Variants in CLIP2 observed in about 807,000 individuals in gnomAD.
CLIP2 encodes CAP-Gly domain-containing linker protein 2.
CLIP2 carries 41 observed loss-of-function variants against 111.7 expected under a neutral mutation model. That is an observed-to-expected ratio of 0.37 (90% CI 0.29 to 0.48). CLIP2 has a LOEUF of 0.48. Ranked by LOEUF, CLIP2 falls within the 20% of genes least tolerant of loss-of-function variation. The probability of loss-of-function intolerance (pLI) is 0.99; values close to 1 mark genes in which losing one functional copy is unlikely to be tolerated. For synonymous variants in CLIP2, 660 were observed against 644.2 expected (o/e 1.02, Z -0.37); for missense variants, 1,160 against 1,422.1 (o/e 0.82, Z 2.96).
chr7:74,347,482 C>A lies in CLIP2; in HGVS notation c.679-6398C>A, dbSNP rs1304146525. 9.9e-5 allele frequency among the ~76,000 whole-genome samples: 15 copies of A among 152,220 alleles called. No homozygotes were observed. The South Asian group carries it at 1.4e-3, about 15-fold the overall frequency. ...ATGGGGTTTCACTGTGTTGGCCAGG[C>A]TGGTCTCGATCTCCTGACCTCGTGA... On this transcript the variant is annotated intron_variant, in intron 3 of 16. Transcript: ENST00000223398.
At chr7:74,333,222 C>T (rs782500413) in intron 2 of CLIP2, among the ~76,000 whole-genome samples, 2 of 152,044 alleles carry the variant, frequency 1.3e-5, no homozygotes, top group Non-Finnish European at 2.9e-5. Flanking sequence ...CTTGCTCTGT[C>T]GCCCAGGCTG....
intron 3 of CLIP2, among the ~76,000 whole-genome samples, chr7:74,343,606 A>G (rs1789720688): frequency 2.0e-5 from 3 of 151,914 alleles, no homozygotes; most frequent in African/African-American, 7.3e-5. Context: ...AAGAGAGCTG[A>G]TGGCAGCCGG....
chr7:74,380,093 A>G (rs1554313665), intron 10 of CLIP2: 2 of 152,084 alleles, frequency 1.3e-5, no homozygotes, highest in African/African-American at 4.8e-5. Flanking sequence ...GCAGGATGAT[A>G]GAGGTGACTG....
At chr7:74,332,947 C>T (rs782811671) in intron 2 of CLIP2, among the ~76,000 whole-genome samples, 39 of 152,318 alleles carry the variant, frequency 2.6e-4, no homozygotes, top group East Asian at 9.7e-4. Context: ...AAGCCAGTCC[C>T]CACCTCCACA....
At chr7:74,324,946 C>T (rs1343255447) in intron 2 of CLIP2, among the ~76,000 whole-genome samples, 1 of 152,136 alleles carries the variant, frequency 6.6e-6, no homozygotes, top group Non-Finnish European at 1.5e-5. Flanking sequence ...ATCTGTTCTC[C>T]GAGGGGCTGG....
Position 74,401,552 on chromosome 7 carries a change from A to C in CLIP2, c.3114A>C (p.Lys1038Asn). The C allele has an allele frequency of 6.2e-7, 1 of 1,614,018 alleles. No homozygotes were observed. Among genetic ancestry groups the C allele is most frequent in the Non-Finnish European group, 8.5e-7 (1 of 1,179,982 alleles). Reference sequence around the variant, plus strand: ...CAAACGGCATCCACCAGCAGGACAAAGCTCAGAAACAAGAGGTGAGGGGCG... The same window carrying C: ...CAAACGGCATCCACCAGCAGGACAACGCTCAGAAACAAGAGGTGAGGGGCG... ...GSANGIHQQD[K>N]AQKQEDKH Residue 1038 changes from lysine (K) to asparagine (N), a missense_variant, in exon 16 of 17, where the codon AAA becomes AAC. Lys to Asn is a moderately conservative substitution (Grantham distance 94). Transcript: ENST00000223398.
intron 1 of CLIP2, among the ~76,000 whole-genome samples, chr7:74,302,685 G>A (rs956785885): frequency 6.6e-6 from 1 of 152,224 alleles, no homozygotes; most frequent in East Asian, 1.9e-4. Context: ...GGAGCCCAGA[G>A]CCCTGCACTG....
intron 11 of CLIP2, chr7:74,381,433 C>A: frequency 3.2e-6 from 1 of 314,240 alleles, no homozygotes; most frequent in Non-Finnish European, 6.3e-6. Context: ...GTGATCCGCC[C>A]GCCTTGGCCT....
intron 1 of CLIP2, among the ~76,000 whole-genome samples, chr7:74,314,978 CA>C (rs1225143372): frequency 6.6e-6 from 1 of 152,174 alleles, no homozygotes; most frequent in African/African-American, 2.4e-5. Flanking sequence ...TGTGCTTCAT[CA>C]TAAGGACACA....
chr7:74,383,125 A>C (rs1790993053), intron 11 of CLIP2, among the ~76,000 whole-genome samples: 1 of 151,958 alleles, frequency 6.6e-6, no homozygotes, highest in Non-Finnish European at 1.5e-5. Context: ...AGTTTAAAAA[A>C]TGTATCCAGT....
chr7:74,323,175 A>G (rs1789011134), intron 2 of CLIP2, among the ~76,000 whole-genome samples: 1 of 151,556 alleles, frequency 6.6e-6, no homozygotes, highest in African/African-American at 2.4e-5. Context: ...CAGTGGCGTA[A>G]TCATAGCTCA....
rs1459066815 is a variant in CLIP2 at position 74,375,876 on chromosome 7, TC to T, written c.1486-10del. 2.7e-6 allele frequency: 4 copies of T among 1,498,670 alleles called. No homozygotes were observed. Among genetic ancestry groups the T allele is most frequent in the Non-Finnish European group, 3.6e-6 (4 of 1,121,804 alleles). 92.8% of individuals were successfully genotyped at this position (1,498,670 alleles called of 1,614,324 possible). On this transcript the variant is annotated splice_polypyrimidine_tract_variant and intron_variant, in intron 9 of 16. Coordinates refer to ENST00000223398, the MANE Select transcript of CLIP2 (RefSeq NM_003388.5). ...CAGCCCGCTGATCCCTGTCTCCCTC[TC>T]TCCCCACAGCTGACCACAGTGGCCG...
chr7:74,377,152 C>T (rs1790816040), intron 10 of CLIP2, among the ~76,000 whole-genome samples: 1 of 152,104 alleles, frequency 6.6e-6, no homozygotes, highest in African/African-American at 2.4e-5. Flanking sequence ...GTGCAGGGCT[C>T]CTAGGACCCG....
chr7:74,377,028 A>C (rs1790812611), intron 10 of CLIP2, among the ~76,000 whole-genome samples: 1 of 152,060 alleles, frequency 6.6e-6, no homozygotes, highest in African/African-American at 2.4e-5. Flanking sequence ...GTGACCAGGG[A>C]GAACCGAAGC....
rs1229987655 is a variant in CLIP2 at position 74,359,412 on chromosome 7, A to G, written c.1216-763A>G. Among the ~76,000 whole-genome samples, 14 of 137,242 alleles carry G rather than the reference A, an allele frequency of 1.0e-4. No homozygotes were observed. In the East Asian group the frequency reaches 2.2e-3, roughly 22 times the overall value. The allele number at this position is 137,242 out of a possible 152,430, so 90.0% of individuals were successfully genotyped here. ...TCTGTCGCCCAGGCTGGAGTGCAGT[A>G]GTGTGATCTTGGCTCACTGCAAGCT... On this transcript the variant is annotated intron_variant, in intron 6 of 16. Coordinates refer to ENST00000223398, the MANE Select transcript of CLIP2 (RefSeq NM_003388.5).
intron 1 of CLIP2, among the ~76,000 whole-genome samples, chr7:74,308,856 C>T (rs1454361593): frequency 6.6e-6 from 1 of 151,504 alleles, no homozygotes; most frequent in Non-Finnish European, 1.5e-5. Context: ...CATGCCCGGC[C>T]CTTTTTAAAA....
chr7:74,358,487 A>T (rs930628908), intron 6 of CLIP2, among the ~76,000 whole-genome samples: 13 of 151,690 alleles, frequency 8.6e-5, no homozygotes, highest in Non-Finnish European at 4.4e-5. Flanking sequence ...GAGCCACTGC[A>T]CTTGGCCTAA....
At chr7:74,355,431 A>C (rs1400905956) in intron 4 of CLIP2, among the ~76,000 whole-genome samples, 1 of 152,162 alleles carries the variant, frequency 6.6e-6, no homozygotes, top group Non-Finnish European at 1.5e-5. Context: ...ACAATATAGC[A>C]AAACCTCATC....
intron 3 of CLIP2, among the ~76,000 whole-genome samples, chr7:74,345,981 G>A (rs1228561573): frequency 1.3e-5 from 2 of 151,988 alleles, no homozygotes; most frequent in African/African-American, 4.8e-5. Flanking sequence ...GAGATGTTTG[G>A]GTTTTTTCTT....
Sources: gnomAD v4.1 joint callset for allele counts (sites outside exome capture counted in the v4.1 genomes callset) on GRCh38, gnomAD v4.1.1 for gene constraint, MANE v1.5 for transcripts, NCBI Gene and HGNC (gene_info 2026-07-23, HGNC 2026-07-21) for gene names.